SPAG16: variants seen among roughly 807,000 people sequenced by gnomAD.
SPAG16 encodes the protein sperm associated antigen 16, also known as sperm-associated antigen 16 protein.
Under a neutral mutation model 80.4 loss-of-function variants are expected in SPAG16, and 86 were observed. The ratio of observed to expected loss-of-function variants is 1.07; its 90% confidence interval spans 0.90 to 1.28. The LOEUF (loss-of-function observed/expected upper bound fraction) is 1.28, where lower values mean the gene tolerates loss of function less well. Among genes scored for constraint, SPAG16 ranks in the 50% most tolerant of loss-of-function variants. The pLI is 0.00. For missense variants in SPAG16, 870 were observed against 765.3 expected (o/e 1.14, Z -1.61); for synonymous variants, 294 against 265.9 (o/e 1.11, Z -1.03).
Position 214,389,081 on chromosome 2 carries a change from C to T in SPAG16, c.1721-21059C>T, listed in dbSNP as rs371896059. 4.5e-4 allele frequency among the ~76,000 whole-genome samples: 68 copies of T among 152,162 alleles called. No individual in the cohort carries two copies. In the South Asian group the frequency reaches 6.0e-3, roughly 13 times the overall value. On this transcript the variant is annotated intron_variant, in intron 15 of 15. Transcript: ENST00000331683. ...TTTTGAAATCAAGAGAAATATTTCT[C>T]TATAGATAAGACAAACATAAAATGA...
chr2:213,611,328 A>G (rs904422483), intron 10 of SPAG16, among the ~76,000 whole-genome samples: 8 of 152,206 alleles, frequency 5.3e-5, no homozygotes, highest in African/African-American at 1.9e-4. Context: ...ACATTGATTA[A>G]GTTGACAGTC....
intron 10 of SPAG16, among the ~76,000 whole-genome samples, chr2:213,719,453 C>T (rs967120417): frequency 1.3e-5 from 2 of 152,006 alleles, no homozygotes; most frequent in Non-Finnish European, 2.9e-5. Flanking sequence ...TAATCTGATG[C>T]AGAGGCGGAG....
rs569997341 is a variant in SPAG16, at chr2:214,364,390, C to T, written c.1721-45750C>T. Reference sequence around the variant, plus strand: ...CCCTGACTCCAAAAAGAGGTACTTACTCCTCTGTGTTCCCATAGTACTTTG... The same window carrying T: ...CCCTGACTCCAAAAAGAGGTACTTATTCCTCTGTGTTCCCATAGTACTTTG... On this transcript the variant is annotated intron_variant, in intron 15 of 15. Transcript: ENST00000331683. Among the ~76,000 whole-genome samples, 6 of 152,244 alleles carry T rather than the reference C, an allele frequency of 3.9e-5. No homozygotes were observed. The South Asian group carries it at 6.2e-4, about 16-fold the overall frequency.
chr2:213,668,193 C>T (rs538521215), intron 10 of SPAG16, among the ~76,000 whole-genome samples: 1 of 151,926 alleles, frequency 6.6e-6, no homozygotes, highest in Non-Finnish European at 1.5e-5. Context: ...CCCACCTCAG[C>T]CTTGCAAAGT....
chr2:214,290,560 T>A lies in SPAG16; in HGVS notation c.1721-119580T>A, dbSNP rs117045437. Among the ~76,000 whole-genome samples, 74 of 152,304 alleles carry A rather than the reference T, an allele frequency of 4.9e-4. 1 individual carries two copies. The East Asian group carries it at 0.013, about 27-fold the overall frequency. ...ACTGCTTTTGCTGTCTCCCACAAGT[T>A]TGGGTATTTTTGTATTTCCATTTTT... On this transcript the variant is annotated intron_variant, in intron 15 of 15. Coordinates refer to ENST00000331683, the MANE Select transcript of SPAG16 (RefSeq NM_024532.5).
At chr2:214,328,449 C>A (rs190403065) in intron 15 of SPAG16, among the ~76,000 whole-genome samples, 151 of 152,348 alleles carry the variant, frequency 9.9e-4, no homozygotes, top group Middle Eastern at 3.4e-3. Flanking sequence ...AGGCGTGAGC[C>A]ACCATGCCCA....
At chr2:213,655,784 A>G (rs1374448244) in intron 10 of SPAG16, among the ~76,000 whole-genome samples, 1 of 152,196 alleles carries the variant, frequency 6.6e-6, no homozygotes, top group African/African-American at 2.4e-5. Context: ...TAAAATTTTA[A>G]ATGTACCTAA....
At chr2:213,992,651 A>G (rs1475322711) in intron 12 of SPAG16, among the ~76,000 whole-genome samples, 1 of 152,206 alleles carries the variant, frequency 6.6e-6, no homozygotes, top group Non-Finnish European at 1.5e-5. Context: ...TAAGCAGACT[A>G]GTACCGAATA....
At chr2:214,242,218 C>T (rs1452061698) in intron 15 of SPAG16, among the ~76,000 whole-genome samples, 1 of 152,114 alleles carries the variant, frequency 6.6e-6, no homozygotes, top group Non-Finnish European at 1.5e-5. Context: ...TAACTTTCAC[C>T]CAGTCACGAA....
At chr2:214,218,589 C>G (rs1319593847) in intron 15 of SPAG16, among the ~76,000 whole-genome samples, 1 of 152,184 alleles carries the variant, frequency 6.6e-6, no homozygotes, top group Non-Finnish European at 1.5e-5. Flanking sequence ...ATAAGAGATA[C>G]TTGTACAATA....
intron 9 of SPAG16, among the ~76,000 whole-genome samples, chr2:213,378,443 C>A (rs1271375762): frequency 6.6e-6 from 1 of 152,166 alleles, no homozygotes; most frequent in Non-Finnish European, 1.5e-5. Context: ...AAACAACTAT[C>A]CTTCGTACAA....
chr2:213,492,031 C>T (rs1188312471), intron 10 of SPAG16, among the ~76,000 whole-genome samples: 4 of 152,124 alleles, frequency 2.6e-5, no homozygotes, highest in African/African-American at 7.2e-5. Context: ...TTTTGCCTGT[C>T]TACTTCATTT....
chr2:214,086,037 C>T (rs568404502), intron 13 of SPAG16, among the ~76,000 whole-genome samples: 20 of 152,194 alleles, frequency 1.3e-4, no homozygotes, highest in South Asian at 8.3e-4. Context: ...TAAATTACTC[C>T]GAACATATGT....
At chr2:214,124,327 A>G (rs929442496) in intron 14 of SPAG16, among the ~76,000 whole-genome samples, 1 of 151,048 alleles carries the variant, frequency 6.6e-6, no homozygotes, top group Admixed American at 7.0e-5. Flanking sequence ...TGGTCTTCCA[A>G]TACAGTAAAA....
chr2:214,198,193 C>T (rs559328447), intron 15 of SPAG16, among the ~76,000 whole-genome samples: 1 of 152,012 alleles, frequency 6.6e-6, no homozygotes, highest in South Asian at 2.1e-4. Flanking sequence ...TGCACCGTCA[C>T]CTGAGCAGTG....
At chr2:214,184,869 C>G (rs2057418587) in intron 15 of SPAG16, among the ~76,000 whole-genome samples, 1 of 151,756 alleles carries the variant, frequency 6.6e-6, no homozygotes, top group Non-Finnish European at 1.5e-5. Flanking sequence ...ATTTTAATTT[C>G]AAAATAAAGT....
chr2:214,361,136 CT>C (rs1699155992), intron 15 of SPAG16, among the ~76,000 whole-genome samples: 1 of 151,780 alleles, frequency 6.6e-6, no homozygotes, highest in Non-Finnish European at 1.5e-5. Context: ...CAGAGAAAGC[CT>C]TTTCACTGCA....
At chr2:214,143,471 C>T (rs920364702) in intron 14 of SPAG16, among the ~76,000 whole-genome samples, 8 of 151,954 alleles carry the variant, frequency 5.3e-5, no homozygotes, top group African/African-American at 1.9e-4. Context: ...CAGTTTGACT[C>T]ATCATATAGT....
intron 11 of SPAG16, among the ~76,000 whole-genome samples, chr2:213,916,744 G>A (rs902869263): frequency 2.0e-5 from 3 of 152,130 alleles, no homozygotes; most frequent in African/African-American, 7.2e-5. Context: ...CATATAGGTT[G>A]TCTGATTACT....
Sources: gnomAD v4.1 joint callset for allele counts (sites outside exome capture counted in the v4.1 genomes callset) on GRCh38, gnomAD v4.1.1 for gene constraint, MANE v1.5 for transcripts, NCBI Gene and HGNC (gene_info 2026-07-23, HGNC 2026-07-21) for gene names.